The following SRSF7 variants were observed in gnomAD, a reference collection of about 807,000 sequenced individuals.
SRSF7 encodes the protein serine and arginine rich splicing factor 7, also known as serine/arginine-rich splicing factor 7.
A neutral mutation model predicts 42.2 loss-of-function variants in SRSF7; 15 were observed. The ratio of observed to expected loss-of-function variants is 0.36; its 90% CI spans 0.24 to 0.55. SRSF7 has a LOEUF of 0.55. SRSF7 is among the 20% of genes least tolerant of loss of function. SRSF7 has a pLI of 0.88. For synonymous variants in SRSF7, 138 were observed against 107.9 expected, an observed-to-expected ratio of 1.28 and a Z score of -1.73; for missense variants, 181 against 305.9, an observed-to-expected ratio of 0.59 and a Z score of 3.04.
In SRSF7 at chr2:38,751,355, G is replaced by T; in HGVS notation, c.-99C>A. 4 of 1,551,844 alleles carry T rather than the reference G, an allele frequency of 2.6e-6. No homozygotes were observed. The highest frequency in any genetic ancestry group is 3.5e-6 in the Non-Finnish European group (4 of 1,128,870). On this transcript the variant is annotated 5_prime_UTR_variant, in exon 1 of 8. Transcript: ENST00000313117. ...CCTTCACCCGCCAAGAGTCCCGGCG[G>T]CACTACGAGGAAGAGCCCGGGTTCG...
chr2:38,747,480 T>C (rs547456606), intron 5 of SRSF7, among the ~76,000 whole-genome samples: 12 of 152,318 alleles, frequency 7.9e-5, no homozygotes, highest in African/African-American at 2.9e-4. Context: ...ATACTTATTT[T>C]ACAATTTTTT....
intron 7 of SRSF7, 39 bp downstream of exon 7, chr2:38,746,105 C>A (rs1301098635): frequency 1.5e-5 from 24 of 1,612,886 alleles, no homozygotes; most frequent in Non-Finnish European, 2.0e-5. Flanking sequence ...AGAGGCCACA[C>A]TTGACAGGCA....
intron 5 of SRSF7, 98 bp downstream of exon 5, chr2:38,747,949 A>T: frequency 1.2e-6 from 1 of 802,486 alleles, no homozygotes. Flanking sequence ...CATCTCAAAT[A>T]TTCCCTGAAG....
intron 5 of SRSF7, 126 bp from the exon 6 acceptor site, chr2:38,746,873 C>CT: frequency 1.4e-6 from 2 of 1,465,578 alleles, no homozygotes; most frequent in Non-Finnish European, 9.2e-7. Context: ...CAACACTTGC[C>CT]TTATTCTGTC....
upstream of SRSF7, chr2:38,751,419 A>T (rs1004765187): frequency 1.1e-6 from 1 of 906,200 alleles, no homozygotes; most frequent in Non-Finnish European, 1.7e-6. Context: ...CGCATGCGTC[A>T]TCTCGTTGTT....
Position 38,748,023 on chromosome 2 carries a change from G to T in SRSF7, c.572+24C>A, listed in dbSNP as rs907675560. On this transcript the variant is annotated intron_variant, in intron 5 of 7. Coordinates refer to ENST00000313117, the MANE Select transcript of SRSF7 (RefSeq NM_001031684.3). ...TAAGATGTGAACAATCCAAACACAA[G>T]TAAGGAAAAAAAGTGTTACATACTG... 2.6e-6 allele frequency: 4 copies of T among 1,555,506 alleles called. No homozygotes were observed. The East Asian group carries it at 9.0e-5, about 35-fold the overall frequency.
intron 7 of SRSF7, among the ~76,000 whole-genome samples, chr2:38,745,526 G>A (rs1279777497): frequency 4.6e-5 from 7 of 151,866 alleles, no homozygotes; most frequent in Non-Finnish European, 1.0e-4. Context: ...TTGGCGGTGG[G>A]TGCCTGTAAT....
chr2:38,749,075 A>C, intron 3 of SRSF7: 1 of 1,307,666 alleles, frequency 7.6e-7, no homozygotes, highest in Non-Finnish European at 1.0e-6. Context: ...TCTAGTTGGG[A>C]ATGTGGTCAA....
At chr2:38,750,239 G>A (rs1489378256) in intron 1 of SRSF7, 45 bp from the exon 2 acceptor site, 1 of 1,545,622 alleles carries the variant, frequency 6.5e-7, no homozygotes, top group Non-Finnish European at 8.7e-7. Context: ...CGCAAAATCT[G>A]GCCCAAGTTT....
At chr2:38,746,935 T>G in intron 5 of SRSF7, 188 bp from the exon 6 acceptor site, 1 of 954,248 alleles carries the variant, frequency 1.0e-6, no homozygotes, top group Non-Finnish European at 1.6e-6. Context: ...CCCATTTCAA[T>G]TACTTGTTTC....
chr2:38,750,974 C>T, intron 1 of SRSF7: 2 of 436,520 alleles, frequency 4.6e-6, no homozygotes, highest in South Asian at 3.0e-5. Context: ...ACGCGAAAAC[C>T]GTCATCTCAA....
intron 5 of SRSF7, among the ~76,000 whole-genome samples, chr2:38,747,754 C>G (rs769145831): frequency 2.0e-5 from 3 of 152,136 alleles, no homozygotes; most frequent in Admixed American, 6.5e-5. Context: ...TAGTATCATC[C>G]AATCTGAAGC....
At chr2:38,746,314 C>A in intron 6 of SRSF7, 135 bp from the exon 7 acceptor site, 2 of 1,009,418 alleles carry the variant, frequency 2.0e-6, no homozygotes, top group East Asian at 2.5e-5. Context: ...AACATCCTAC[C>A]AGTTGTTGCT....
chr2:38,745,986 A>G (rs1462512354), intron 7 of SRSF7, among the ~76,000 whole-genome samples, 158 bp downstream of exon 7: 1 of 152,178 alleles, frequency 6.6e-6, no homozygotes, highest in Non-Finnish European at 1.5e-5. Context: ...AATGTTACTG[A>G]ATCAAAAAAA....
chr2:38,746,464 TTTAATA>T (rs1667431357), intron 6 of SRSF7, among the ~76,000 whole-genome samples: 1 of 152,238 alleles, frequency 6.6e-6, no homozygotes, highest in Non-Finnish European at 1.5e-5. Flanking sequence ...CAAGGGCCTC[TTTAATA>T]TAATCCCCCA....
chr2:38,750,295 A>C, intron 1 of SRSF7, 101 bp from the exon 2 acceptor site: 1 of 1,079,688 alleles, frequency 9.3e-7, no homozygotes, highest in Non-Finnish European at 1.3e-6. Context: ...AGATTGGGTA[A>C]AGCACATTTA....
At position 38,746,877 on chromosome 2, in the gene SRSF7, T is replaced by C. The variant is rs368021994; in HGVS notation, c.573-130A>G. 17 of 1,462,178 alleles carry C rather than the reference T, an allele frequency of 1.2e-5. No homozygotes were observed. The African/African-American group carries it at 2.4e-4, about 21-fold the overall frequency. The allele number at this position is 1,462,178 out of a possible 1,614,324, so 90.6% of individuals were successfully genotyped here. A position where few individuals can be genotyped will look rare whatever the true frequency, so the allele number is the denominator to read the frequency against. On this transcript the variant is annotated intron_variant, in intron 5 of 7. Transcript: ENST00000313117. ...TAAACAAGATGCAACACTTGCCTTA[T>C]TCTGTCTAACACACTGTCAAACAAA... is the stretch of plus-strand genomic sequence containing the variant.
Position 38,748,767 on chromosome 2 carries a change from G to A in SRSF7, c.387-114C>T. On this transcript the variant is annotated intron_variant, in intron 3 of 7. Coordinates refer to ENST00000313117, the MANE Select transcript of SRSF7 (RefSeq NM_001031684.3). ...ACTATTTAAATTTAGTGTCTCATTT[G>A]GAAATAAACTCTGGGCCTATTAGTT... 4 of 1,283,942 alleles carry A rather than the reference G, an allele frequency of 3.1e-6. No homozygotes were observed. In the African/African-American group the frequency reaches 6.0e-5, roughly 19 times the overall value. The allele number at this position is 1,283,942 out of a possible 1,614,324, so 79.5% of individuals were successfully genotyped here.
At chr2:38,745,332 T>C in intron 7 of SRSF7, 145 bp from the exon 8 acceptor site, 3 of 831,010 alleles carry the variant, frequency 3.6e-6, no homozygotes, top group Non-Finnish European at 5.8e-6. Flanking sequence ...AACTTACATA[T>C]ATTCATCTTT....
Sources: allele counts gnomAD v4.1 joint callset (sites outside exome capture counted in the v4.1 genomes callset), GRCh38; gene constraint gnomAD v4.1.1; transcripts MANE v1.5; gene names NCBI Gene and HGNC (gene_info 2026-07-23, HGNC 2026-07-21).